The following EGFL8 variants were observed in gnomAD, a reference collection of about 807,000 sequenced individuals.
The protein encoded by EGFL8 is epidermal growth factor-like protein 8.
A neutral mutation model predicts 39.4 loss-of-function variants in EGFL8; 32 were observed. That is an observed-to-expected ratio of 0.81 (90% CI 0.61 to 1.09). The LOEUF is 1.09. Ranked by LOEUF, EGFL8 falls within the 50% of genes least tolerant of loss-of-function variation. EGFL8 has a pLI of 0.00. For synonymous variants in EGFL8, 177 were observed against 168.5 expected (o/e 1.05, Z -0.39); for missense variants, 385 against 402.2 (o/e 0.96, Z 0.37).
rs542801220 is a variant in EGFL8, at chr6:32,167,163, C to T, written c.507C>T (p.Gly169=). 8.7e-6 allele frequency: 14 copies of T among 1,613,094 alleles called. No homozygotes were observed. Among genetic ancestry groups the T allele is most frequent in the Non-Finnish European group, 1.1e-5 (13 of 1,180,044 alleles). Residue 169 remains glycine (G), a synonymous_variant, in exon 6 of 9, where the codon GGC becomes GGT. Transcript: ENST00000333845. The surrounding 1 kb of genome is among the most constrained non-coding windows in gnomAD (Gnocchi z 6.4). Reference sequence around the variant, plus strand: ...ATACGGCAGGCAGCTTCACCTGCGGCTGCCCCCATGACCTAGTGCTAGGCG... The same window carrying T: ...ATACGGCAGGCAGCTTCACCTGCGGTTGCCCCCATGACCTAGTGCTAGGCG... ...CFNTAGSFTC[G]CPHDLVLGVD...
At position 32,167,156 on chromosome 6, in the gene EGFL8, C is replaced by T. The variant is rs1224793295; in HGVS notation, c.500C>T (p.Thr167Ile). The T allele has an allele frequency of 1.2e-6, 2 of 1,612,962 alleles. No homozygotes were observed. The highest frequency in any genetic ancestry group is 1.7e-5 in the Admixed American group (1 of 60,012). The change falls in exon 6 of 9, where the codon ACC (threonine) becomes ATC (isoleucine). Residue 167 changes from threonine to isoleucine, a missense_variant. Physicochemically the swap from Thr to Ile is moderately conservative, Grantham distance 89. Coordinates refer to ENST00000333845, the MANE Select transcript of EGFL8 (RefSeq NM_030652.4). This position sits in a 1 kb window ranked among gnomAD's most constrained non-coding sequence, Gnocchi z 6.4. ...TGTTTTAATACGGCAGGCAGCTTCA[C>T]CTGCGGCTGCCCCCATGACCTAGTG... ...HHCFNTAGSF[T>I]CGCPHDLVLG... is the part of the protein sequence containing the mutation.
In EGFL8 at chr6:32,166,373, TGA is replaced by T; in HGVS notation, c.101+111_101+112del. On this transcript the variant is annotated intron_variant, in intron 2 of 8. Transcript: ENST00000333845. The surrounding 1 kb of genome is among the most constrained non-coding windows in gnomAD (Gnocchi z 7.3). Reference sequence around the variant, plus strand: ...CATAACTGTAAGTTTAGAATGGGGGTGAGAGGCTGTCATCTGGAGGGAGAGCG... The same window carrying T: ...CATAACTGTAAGTTTAGAATGGGGGTGAGGCTGTCATCTGGAGGGAGAGCG... 6.4e-7 allele frequency: 1 copy of T among 1,562,926 alleles called. No homozygotes were observed. The highest frequency in any genetic ancestry group is 8.7e-7 in the Non-Finnish European group (1 of 1,145,534).
rs745434046 is a variant in EGFL8 at position 32,166,503 on chromosome 6, G to A, written c.107G>A (p.Gly36Glu). 1.4e-5 allele frequency: 22 copies of A among 1,613,444 alleles called. No individual in the cohort carries two copies. Among genetic ancestry groups the A allele is most frequent in the Admixed American group, 1.7e-5 (1 of 60,006 alleles). ...AKGGSLRESQ[G>E]VCSKQTLVVP... ...ATCCTCTGGCATGGACGCAGTCAGG[G>A]AGTCTGCTCCAAGCAGACACTGGTG... is the stretch of plus-strand genomic sequence containing the variant. Residue 36 changes from glycine (G) to glutamate (E), a missense_variant, in exon 3 of 9, where the codon GGA (glycine) becomes GAA (glutamate). Coordinates refer to ENST00000333845, the MANE Select transcript of EGFL8 (RefSeq NM_030652.4). This position sits in a 1 kb window ranked among gnomAD's most constrained non-coding sequence, Gnocchi z 7.3.
chr6:32,167,549 C>G lies in EGFL8; in HGVS notation c.728C>G (p.Pro243Arg). 1.2e-6 allele frequency: 2 copies of G among 1,609,074 alleles called. No individual in the cohort carries two copies. The highest frequency in any genetic ancestry group is 1.7e-6 in the Non-Finnish European group (2 of 1,179,806). Residue 243 changes from proline to arginine, a missense_variant, in exon 8 of 9, where the codon CCG (proline) becomes CGG (arginine). Transcript: ENST00000333845. The surrounding 1 kb of genome is among the most constrained non-coding windows in gnomAD (Gnocchi z 6.4). ...GAWVRAVLPV[P>R]PEELQPEQVA... ...TGGGTCAGAGCGGTGCTGCCCGTGC[C>G]GCCTGAAGAGCTGCAGCCAGAACAG... is the stretch of plus-strand genomic sequence containing the variant.
At chr6:32,165,759 C>A (rs1205384900) in intron 1 of EGFL8, 8 of 270,404 alleles carry the variant, frequency 3.0e-5, no homozygotes, top group Non-Finnish European at 5.0e-5. Flanking sequence ...GCATTCCAGC[C>A]TGGGTAGTAA....
rs764384033 is a variant in EGFL8 at position 32,166,267 on chromosome 6, G to A, written c.101+1G>A. 1.2e-6 allele frequency: 2 copies of A among 1,613,984 alleles called. No individual in the cohort carries two copies. The highest frequency in any genetic ancestry group is 2.2e-5 in the South Asian group (2 of 91,078). On this transcript the variant is annotated splice_donor_variant, in intron 2 of 8. Coordinates refer to ENST00000333845, the MANE Select transcript of EGFL8 (RefSeq NM_030652.4). LOFTEE classifies it high-confidence loss of function. The surrounding 1 kb of genome is among the most constrained non-coding windows in gnomAD (Gnocchi z 7.3). ...CCAAGGGTGGATCCCTCAGAGAGAG[G>A]TGACAACAGAGGGGGTAGGGCCCGG...
rs749804383 is a variant in EGFL8, at chr6:32,167,037, G to C, written c.430+32G>C. The C allele has an allele frequency of 3.7e-6, 6 of 1,612,874 alleles. No homozygotes were observed. In the African/African-American group the frequency reaches 6.7e-5, roughly 18 times the overall value. ...CAGCTTGTCCTCCCCACCTACCCAG[G>C]TGCTTGCCCCCGCCCCCTCTCTCAG... On this transcript the variant is annotated intron_variant, in intron 5 of 8. Transcript: ENST00000333845. This position sits in a 1 kb window ranked among gnomAD's most constrained non-coding sequence, Gnocchi z 6.4.
Position 32,167,069 on chromosome 6 carries a change from C to G in EGFL8, c.431-18C>G. On this transcript the variant is annotated intron_variant, in intron 5 of 8. Coordinates refer to ENST00000333845, the MANE Select transcript of EGFL8 (RefSeq NM_030652.4). The surrounding 1 kb of genome is among the most constrained non-coding windows in gnomAD (Gnocchi z 6.4). ...CCCCCGCCCCCTCTCTCAGCCCCTT[C>G]CTTTTTTCGGTAACTAGACGTGGAT... 1 of 1,613,106 alleles carries G rather than the reference C, an allele frequency of 6.2e-7. No homozygotes were observed. Among genetic ancestry groups the G allele is most frequent in the East Asian group, 2.2e-5 (1 of 44,880 alleles).
In EGFL8 at chr6:32,166,953, G is replaced by T; in HGVS notation, c.378G>T (p.Arg126Ser). The T allele has an allele frequency of 6.2e-7, 1 of 1,613,340 alleles. No individual in the cohort carries two copies. Among genetic ancestry groups the T allele is most frequent in the African/African-American group, 1.3e-5 (1 of 75,056 alleles). Residue 126 changes from arginine (R) to serine (S), a missense_variant, in exon 5 of 9, where the codon AGG (arginine) becomes AGT (serine). By Grantham distance (110) the Arg-to-Ser change is moderately radical. Coordinates refer to ENST00000333845, the MANE Select transcript of EGFL8 (RefSeq NM_030652.4). This position sits in a 1 kb window ranked among gnomAD's most constrained non-coding sequence, Gnocchi z 7.3. ...GCCTGAACGGAGGCGTCTGCGTTAG[G>T]CCTGACCAGTGCGAGTGCGCCCCCG... is the stretch of plus-strand genomic sequence containing the variant. ...KPCLNGGVCV[R>S]PDQCECAPGW...
rs1784527337 is a variant in EGFL8 at position 32,166,741 on chromosome 6, G to A, written c.265G>A (p.Val89Ile). 1.3e-6 allele frequency: 2 copies of A among 1,588,922 alleles called. No homozygotes were observed. The highest frequency in any genetic ancestry group is 1.3e-5 in the African/African-American group (1 of 74,500). Reference sequence around the variant, plus strand: ...TATGTGGCGGGAGGTGAGGCGGGAGGTTCAGCAGACCCATGCAGTGTGCTG... The same window carrying A: ...TATGTGGCGGGAGGTGAGGCGGGAGATTCAGCAGACCCATGCAGTGTGCTG... The part of the protein sequence containing the change: ...RVMWREVRRE[V>I]QQTHAVCCQG... The change falls in exon 4 of 9, where the codon GTT becomes ATT. Residue 89 changes from valine to isoleucine, a missense_variant. Coordinates refer to ENST00000333845, the MANE Select transcript of EGFL8 (RefSeq NM_030652.4). The surrounding 1 kb of genome is among the most constrained non-coding windows in gnomAD (Gnocchi z 7.3).
chr6:32,166,243 C>T lies in EGFL8; in HGVS notation c.78C>T (p.Ala26=). Residue 26 remains alanine, a synonymous_variant, in exon 2 of 9, where the codon GCC becomes GCT. Transcript: ENST00000333845. This position sits in a 1 kb window ranked among gnomAD's most constrained non-coding sequence, Gnocchi z 7.3. The part of the protein sequence containing the change: ...FLLLLIPGEG[A]KGGSLRESQG... Reference sequence around the variant, plus strand: ...TGCTACTGATACCAGGCGAGGGGGCCAAGGGTGGATCCCTCAGAGAGAGGT... The same window carrying T: ...TGCTACTGATACCAGGCGAGGGGGCTAAGGGTGGATCCCTCAGAGAGAGGT... 6.2e-7 allele frequency: 1 copy of T among 1,613,916 alleles called. No homozygotes were observed.
rs1784553030 is a variant in EGFL8, at chr6:32,166,951, A to G, written c.376A>G (p.Arg126Gly). ...TTGCCTGAACGGAGGCGTCTGCGTTAGGCCTGACCAGTGCGAGTGCGCCCC... is the reference window on the plus strand; with the variant it reads ...TTGCCTGAACGGAGGCGTCTGCGTTGGGCCTGACCAGTGCGAGTGCGCCCC... Reference protein sequence around the residue: ...KPCLNGGVCVRPDQCECAPGW... With the variant: ...KPCLNGGVCVGPDQCECAPGW... The change falls in exon 5 of 9, where the codon AGG becomes GGG. Residue 126 changes from arginine (R) to glycine (G), a missense_variant. Physicochemically the swap from Arg to Gly is moderately radical, Grantham distance 125. Transcript: ENST00000333845. This position sits in a 1 kb window ranked among gnomAD's most constrained non-coding sequence, Gnocchi z 7.3. 9 of 1,613,106 alleles carry G rather than the reference A, an allele frequency of 5.6e-6. No homozygotes were observed. Among genetic ancestry groups the G allele is most frequent in the Admixed American group, 1.7e-5 (1 of 59,992 alleles).
In EGFL8 at chr6:32,164,734, T is replaced by G; in HGVS notation, c.-29+77T>G. 1.4e-6 allele frequency: 1 copy of G among 689,882 alleles called. No homozygotes were observed. Among genetic ancestry groups the G allele is most frequent in the East Asian group, 2.7e-5 (1 of 36,646 alleles). The allele number at this position is 689,882 out of a possible 1,614,324, so 42.7% of individuals were successfully genotyped here. ...GAAAGAGTGGGGTTTACTCAGAGCC[T>G]TAGGGTGGGCATGAGTTGCGGGGTG... is the stretch of plus-strand genomic sequence containing the variant. On this transcript the variant is annotated intron_variant, in intron 1 of 8. Transcript: ENST00000333845. The surrounding 1 kb of genome is among the most constrained non-coding windows in gnomAD (Gnocchi z 5.4).
rs113525996 is a variant in EGFL8 at position 32,168,000 on chromosome 6, G to A, written c.*44G>A. 5.0e-5 allele frequency: 79 copies of A among 1,595,682 alleles called. No individual in the cohort carries two copies. The East Asian group carries it at 1.0e-3, about 21-fold the overall frequency. The stretch of plus-strand genomic sequence containing the variant: ...CTGCCCCCTAATTTATACAGAAACC[G>A]GACCCACTAATCCTCTGGGATTGGC... On this transcript the variant is annotated 3_prime_UTR_variant, in exon 9 of 9. Coordinates refer to ENST00000333845, the MANE Select transcript of EGFL8 (RefSeq NM_030652.4). The surrounding 1 kb of genome is among the most constrained non-coding windows in gnomAD (Gnocchi z 6.4).
rs1204197267 is a variant in EGFL8, at chr6:32,166,828, G to C, written c.334+18G>C. On this transcript the variant is annotated intron_variant, in intron 4 of 8. Coordinates refer to ENST00000333845, the MANE Select transcript of EGFL8 (RefSeq NM_030652.4). This position sits in a 1 kb window ranked among gnomAD's most constrained non-coding sequence, Gnocchi z 7.3. ...CTGTGAAGGTGAGGCTGGGTCTTCC[G>C]GGCCTTGCGGGAGGCGCGCCCCACG... 1 of 1,572,942 alleles carries C rather than the reference G, an allele frequency of 6.4e-7. No homozygotes were observed. The highest frequency in any genetic ancestry group is 8.6e-7 in the Non-Finnish European group (1 of 1,158,534).
At position 32,167,822 on chromosome 6, in the gene EGFL8, AAC is replaced by A. The variant is rs553618909; in HGVS notation, c.836-86_836-85del. 843 of 1,552,222 alleles carry A rather than the reference AAC, an allele frequency of 5.4e-4. 6 individuals carry two copies. In the South Asian group the frequency reaches 7.4e-3, roughly 14 times the overall value. On this transcript the variant is annotated intron_variant, in intron 8 of 8. Coordinates refer to ENST00000333845, the MANE Select transcript of EGFL8 (RefSeq NM_030652.4). The surrounding 1 kb of genome is among the most constrained non-coding windows in gnomAD (Gnocchi z 6.4). ...TCTTCTGAAATCCTGTCCCCAGCCC[AAC>A]AGTTTCACTTATTGTTTGGTGAGAG...
rs754177978 is a variant in EGFL8, at chr6:32,167,220, A to C, written c.564A>C (p.Pro188=). The change falls in exon 6 of 9, where the codon CCA becomes CCC. Residue 188 remains proline (P), a synonymous_variant. Coordinates refer to ENST00000333845, the MANE Select transcript of EGFL8 (RefSeq NM_030652.4). The surrounding 1 kb of genome is among the most constrained non-coding windows in gnomAD (Gnocchi z 6.4). The part of the protein sequence containing the change: ...VDGRTCMEGS[P]EPPTSASILS... ...GGCGCACCTGCATGGAGGGGTCCCCAGAGCCCCCAACCAGTGCCAGCATAC... is the reference window on the plus strand; with the variant it reads ...GGCGCACCTGCATGGAGGGGTCCCCCGAGCCCCCAACCAGTGCCAGCATAC... 1.9e-5 allele frequency: 30 copies of C among 1,612,660 alleles called. No individual in the cohort carries two copies. The Admixed American group carries it at 3.8e-4, about 21-fold the overall frequency.
Position 32,166,588 on chromosome 6 carries a change from G to A in EGFL8, c.192G>A (p.Leu64=), listed in dbSNP as rs1784505907. The A allele has an allele frequency of 1.2e-6, 2 of 1,614,198 alleles. No individual in the cohort carries two copies. The highest frequency in any genetic ancestry group is 1.7e-5 in the Admixed American group (1 of 60,028). ...SQPVYKPYLT[L]CAGRRICSTY... ...CAGTGTACAAGCCCTACCTGACCTT[G>A]TGCGCTGGGAGGCGCATCTGCAGCA... Residue 64 remains leucine, a synonymous_variant, in exon 3 of 9, where the codon TTG becomes TTA. Transcript: ENST00000333845. This position sits in a 1 kb window ranked among gnomAD's most constrained non-coding sequence, Gnocchi z 7.3.
In EGFL8 at chr6:32,165,798, C is replaced by CAA. The variant is rs377453238; in HGVS notation, c.-28-332_-28-331dup. 4.3e-3 allele frequency: 1,581 copies of CAA among 363,984 alleles called. 20 individuals carry two copies. Among genetic ancestry groups the CAA allele is most frequent in the African/African-American group, 0.03 (1,472 of 48,714 alleles). The allele number at this position is 363,984 out of a possible 1,614,324, so 22.5% of individuals were successfully genotyped here. A position where few individuals can be genotyped will look rare whatever the true frequency, so the allele number is the denominator to read the frequency against. On this transcript the variant is annotated intron_variant, in intron 1 of 8. Transcript: ENST00000333845. Reference sequence around the variant, plus strand: ...CGAAACTCCTTCTCAAAAACAAAAACAAAAAAAAACCCAAAAAAAGACAGG... The same window carrying CAA: ...CGAAACTCCTTCTCAAAAACAAAAACAAAAAAAAAAACCCAAAAAAAGACAGG...
Sources: gnomAD v4.1 joint callset for allele counts on GRCh38, gnomAD v4.1.1 for gene constraint, Gnocchi (gnomAD v3.1) non-coding constraint, MANE v1.5 for transcripts, NCBI Gene and HGNC (gene_info 2026-07-23, HGNC 2026-07-21) for gene names.